CTNNA2: variants seen among roughly 807,000 people sequenced by gnomAD.
CTNNA2 encodes catenin alpha-2.
A neutral mutation model predicts 101.0 loss-of-function variants in CTNNA2; 42 were observed. That is an observed-to-expected ratio of 0.42 (90% confidence interval 0.32 to 0.54). The LOEUF is 0.54. CTNNA2 is among the 20% of genes least tolerant of loss of function. CTNNA2 has a pLI of 0.14. For missense variants in CTNNA2, 871 were observed against 1,223.1 expected (o/e 0.71, Z 4.29); for synonymous variants, 450 against 456.4 (o/e 0.99, Z 0.18).
Position 80,200,321 on chromosome 2 carries a change from C to A in CTNNA2, c.1057-192890C>A, listed in dbSNP as rs116429361. On this transcript the variant is annotated intron_variant, in intron 7 of 18. Transcript: ENST00000402739. ...GACGACTAGCTTAAAGTTCATGAGG[C>A]CCGGAAGGGATGAACCTAGAATATA... 4.5e-3 allele frequency among the ~76,000 whole-genome samples: 692 copies of A among 152,206 alleles called. 3 individuals carry two copies. Among genetic ancestry groups the A allele is most frequent in the African/African-American group, 0.016 (652 of 41,524 alleles).
At chr2:79,565,005 A>G (rs1162453333) in intron 1 of CTNNA2, among the ~76,000 whole-genome samples, 1 of 152,164 alleles carries the variant, frequency 6.6e-6, no homozygotes, top group Non-Finnish European at 1.5e-5. Flanking sequence ...CAGTAATCAT[A>G]AAGGATATAA....
chr2:79,830,081 G>C (rs1444742730), intron 3 of CTNNA2, among the ~76,000 whole-genome samples: 2 of 152,192 alleles, frequency 1.3e-5, no homozygotes, highest in East Asian at 3.9e-4. Context: ...GACTGAGAGA[G>C]ACGAGGGCAG....
intron 7 of CTNNA2, among the ~76,000 whole-genome samples, chr2:79,993,000 C>G (rs1692288613): frequency 1.3e-5 from 2 of 152,264 alleles, no homozygotes; most frequent in South Asian, 4.1e-4. Context: ...CCCCTTCAAA[C>G]TCCTCTTTCT....
Position 80,608,179 on chromosome 2 carries a change from T to C in CTNNA2, c.2296-5T>C. The C allele has an allele frequency of 6.2e-7, 1 of 1,606,168 alleles. No homozygotes were observed. The highest frequency in any genetic ancestry group is 8.5e-7 in the Non-Finnish European group (1 of 1,174,476). On this transcript the variant is annotated splice_polypyrimidine_tract_variant and splice_region_variant and intron_variant, in intron 16 of 18. Transcript: ENST00000402739. ...AATCAAGATCACTCTTTTAATGTTT[T>C]ATAGTGTCCTGATTCAGCATGTAAG...
chr2:80,174,842 C>T (rs1387838015), intron 7 of CTNNA2, among the ~76,000 whole-genome samples: 1 of 152,160 alleles, frequency 6.6e-6, no homozygotes, highest in African/African-American at 2.4e-5. Context: ...TACATTAGCA[C>T]CACCCACATG....
chr2:80,336,991 A>C (rs551514313), intron 7 of CTNNA2, among the ~76,000 whole-genome samples: 1 of 152,232 alleles, frequency 6.6e-6, no homozygotes, highest in African/African-American at 2.4e-5. Context: ...TCACTCCTCC[A>C]TCTCCACACT....
chr2:80,135,976 G>T (rs1702671835), intron 7 of CTNNA2, among the ~76,000 whole-genome samples: 1 of 152,138 alleles, frequency 6.6e-6, no homozygotes, highest in Non-Finnish European at 1.5e-5. Flanking sequence ...GAGGAAGGAG[G>T]ATTTTGAAGT....
chr2:80,481,739 G>A (rs1056165176), intron 9 of CTNNA2, among the ~76,000 whole-genome samples: 2 of 152,080 alleles, frequency 1.3e-5, no homozygotes, highest in Non-Finnish European at 2.9e-5. Flanking sequence ...TTGAGCTTTT[G>A]CTTTGCAGCC....
At chr2:80,007,412 T>G (rs1355212080) in intron 7 of CTNNA2, among the ~76,000 whole-genome samples, 1 of 152,156 alleles carries the variant, frequency 6.6e-6, no homozygotes, top group East Asian at 1.9e-4. Context: ...GGATATGAGT[T>G]TACATGCTTT....
chr2:80,302,480 T>C lies in CTNNA2; in HGVS notation c.1057-90731T>C. 1 of 1,614,010 alleles carries C rather than the reference T, an allele frequency of 6.2e-7. No homozygotes were observed. The highest frequency in any genetic ancestry group is 8.5e-7 in the Non-Finnish European group (1 of 1,180,036). On this transcript the variant is annotated intron_variant, in intron 7 of 18. Coordinates refer to ENST00000402739, the MANE Select transcript of CTNNA2 (RefSeq NM_001282597.3). This position sits in a 1 kb window ranked among gnomAD's most constrained non-coding sequence, Gnocchi z 6.4. ...GGCTGGGAAACACTTCCAGGACACG[T>C]AGAGCACCAGGACCACGATGAGGAA... is the stretch of plus-strand genomic sequence containing the variant.
Position 80,181,646 on chromosome 2 carries a change from C to T in CTNNA2, c.1057-211565C>T, listed in dbSNP as rs150991478. Among the ~76,000 whole-genome samples, 483 of 152,226 alleles carry T rather than the reference C, an allele frequency of 3.2e-3. 5 individuals carry two copies. Among genetic ancestry groups the T allele is most frequent in the Middle Eastern group, 6.8e-3 (2 of 294 alleles). ...TTCTGAAGCTGGGAGCTAGAATCCC[C>T]GAGTTCATCATTTTCTTTCATCACT... is the stretch of plus-strand genomic sequence containing the variant. On this transcript the variant is annotated intron_variant, in intron 7 of 18. Transcript: ENST00000402739.
intron 4 of CTNNA2, among the ~76,000 whole-genome samples, chr2:79,467,024 G>A (rs1265728614): frequency 2.0e-5 from 3 of 152,216 alleles, no homozygotes; most frequent in East Asian, 1.9e-4. Context: ...AAAGCTGGAC[G>A]GAGAATGACC....
intron 7 of CTNNA2, among the ~76,000 whole-genome samples, chr2:80,233,106 G>T (rs1177578795): frequency 6.6e-6 from 1 of 152,124 alleles, no homozygotes; most frequent in Non-Finnish European, 1.5e-5. Context: ...ATTATGAACT[G>T]CCACCCTGAA....
chr2:79,833,803 A>T (rs1679103722), intron 3 of CTNNA2, among the ~76,000 whole-genome samples: 1 of 152,190 alleles, frequency 6.6e-6, no homozygotes, highest in African/African-American at 2.4e-5. Flanking sequence ...TTTGCCATAT[A>T]TGCATCCATT....
At chr2:80,589,860 C>T (rs987953058) in intron 15 of CTNNA2, among the ~76,000 whole-genome samples, 2 of 140,482 alleles carry the variant, frequency 1.4e-5, no homozygotes, top group Non-Finnish European at 3.1e-5. Context: ...ATATGTACCT[C>T]TGTGTGTGTG....
chr2:79,752,831 A>C (rs1044223724), intron 3 of CTNNA2, among the ~76,000 whole-genome samples: 2 of 152,192 alleles, frequency 1.3e-5, no homozygotes, highest in Non-Finnish European at 2.9e-5. Flanking sequence ...AGCCCAAAAA[A>C]GAAGTATCAG....
rs548372443 is a variant in CTNNA2 at position 80,100,583 on chromosome 2, A to G, written c.1056+190786A>G. ...AGTCAATGTCATGAGACTACTCTTG[A>G]ACTTTGTGAGTTCCACTATCACTTG... On this transcript the variant is annotated intron_variant, in intron 7 of 18. Coordinates refer to ENST00000402739, the MANE Select transcript of CTNNA2 (RefSeq NM_001282597.3). Among the ~76,000 whole-genome samples the G allele has an allele frequency of 4.6e-5, 7 of 152,168 alleles. No individual in the cohort carries two copies. The South Asian group carries it at 1.5e-3, about 32-fold the overall frequency.
chr2:80,256,551 C>T (rs977216597), intron 7 of CTNNA2, among the ~76,000 whole-genome samples: 1 of 152,098 alleles, frequency 6.6e-6, no homozygotes, highest in Non-Finnish European at 1.5e-5. Flanking sequence ...GAAAAAAAAT[C>T]CCTACTTCTG....
At chr2:80,361,619 C>T (rs763353833) in intron 7 of CTNNA2, among the ~76,000 whole-genome samples, 27 of 152,124 alleles carry the variant, frequency 1.8e-4, no homozygotes, top group African/African-American at 4.6e-4. Flanking sequence ...TGACATGACA[C>T]GGTCACAACT....
Sources: allele counts gnomAD v4.1 joint callset (sites outside exome capture counted in the v4.1 genomes callset), GRCh38; gene constraint gnomAD v4.1.1; non-coding constraint Gnocchi (gnomAD v3.1); transcripts MANE v1.5; gene names NCBI Gene and HGNC (gene_info 2026-07-23, HGNC 2026-07-21).